The following PRIM2 variants were observed in gnomAD, a reference collection of about 807,000 sequenced individuals.
PRIM2 encodes the protein DNA primase large subunit.
Under a neutral mutation model 67.3 loss-of-function variants are expected in PRIM2, and 39 were observed. The ratio of observed to expected loss-of-function variants is 0.58; its 90% CI spans 0.45 to 0.76. The LOEUF (loss-of-function observed/expected upper bound fraction) is 0.76, where lower values mean the gene tolerates loss of function less well. Among genes scored for constraint, PRIM2 ranks in the 30% least tolerant of loss-of-function variants. The pLI is 0.00. For synonymous variants in PRIM2, 143 were observed against 198.7 expected, an observed-to-expected ratio of 0.72 and a Z score of 2.36; for missense variants, 398 against 598.7, an observed-to-expected ratio of 0.66 and a Z score of 3.50.
At chr6:57,482,228 G>C (rs1399809688) in intron 7 of PRIM2, among the ~76,000 whole-genome samples, 1 of 151,884 alleles carries the variant, frequency 6.6e-6, no homozygotes, top group Non-Finnish European at 1.5e-5. Context: ...TTTGAGTGCA[G>C]ATAGGTTGTT....
At chr6:57,295,778 G>A in the PRIM2 span, among the ~76,000 whole-genome samples, 20 of 152,240 alleles carry the variant, frequency 1.3e-4, no homozygotes, top group Non-Finnish European at 5.9e-5. Flanking sequence ...AAAATTGAAT[G>A]TGTCATCTTC....
chr6:57,325,371 C>T (rs1045496424), intron 4 of PRIM2, among the ~76,000 whole-genome samples: 1 of 145,834 alleles, frequency 6.9e-6, no homozygotes, highest in African/African-American at 2.6e-5. Flanking sequence ...GTGATCTCGG[C>T]TCACTGCAGC....
At chr6:57,252,479 C>T in the PRIM2 span, among the ~76,000 whole-genome samples, 14 of 152,084 alleles carry the variant, frequency 9.2e-5, no homozygotes, top group East Asian at 1.9e-4. Context: ...CTCGCTTTGT[C>T]GCCGAGGCTG....
intron 5 of PRIM2, among the ~76,000 whole-genome samples, chr6:57,335,855 C>T (rs894852891): frequency 6.6e-4 from 101 of 152,244 alleles, no homozygotes; most frequent in African/African-American, 2.2e-3. Flanking sequence ...CAAAGCTGGA[C>T]GGAGAATGAC....
At chr6:57,246,696 G>GA in the PRIM2 span, among the ~76,000 whole-genome samples, 3 of 152,130 alleles carry the variant, frequency 2.0e-5, no homozygotes, top group African/African-American at 7.2e-5. Flanking sequence ...CTCGAACAGG[G>GA]AGGGGCAGCC....
chr6:57,324,645 T>C (rs1562693490), intron 4 of PRIM2, among the ~76,000 whole-genome samples: 2 of 152,216 alleles, frequency 1.3e-5, no homozygotes, highest in Admixed American at 1.3e-4. Context: ...TTGAATTTGA[T>C]ACAGGTTTTT....
chr6:57,526,105 C>T (rs1239559553), intron 8 of PRIM2, among the ~76,000 whole-genome samples: 2 of 152,142 alleles, frequency 1.3e-5, no homozygotes, highest in South Asian at 2.1e-4. Flanking sequence ...GGTTCTGTTT[C>T]GGTAGTGAAG....
intron 10 of PRIM2, among the ~76,000 whole-genome samples, chr6:57,596,333 A>G (rs1443061746): frequency 2.0e-5 from 3 of 152,014 alleles, no homozygotes; most frequent in Non-Finnish European, 4.4e-5. Context: ...TAAATCTCAG[A>G]AGCATTAAAG....
intron 10 of PRIM2, among the ~76,000 whole-genome samples, chr6:57,546,168 A>G (rs1394591472): frequency 2.6e-5 from 4 of 152,188 alleles, no homozygotes; most frequent in African/African-American, 9.7e-5. Flanking sequence ...GTATGAGTAA[A>G]GTTTCCACTT....
chr6:57,552,832 CCCTT>C (rs1430535534), intron 10 of PRIM2, among the ~76,000 whole-genome samples: 2 of 151,922 alleles, frequency 1.3e-5, no homozygotes, highest in East Asian at 3.9e-4. Context: ...TCTTTTCTGC[CCCTT>C]CCTTTGGCAG....
intron 5 of PRIM2, among the ~76,000 whole-genome samples, chr6:57,343,676 C>G (rs1383717177): frequency 6.6e-6 from 1 of 152,086 alleles, no homozygotes; most frequent in East Asian, 1.9e-4. Flanking sequence ...GTAAAACACA[C>G]ACTCTCAAAC....
At chr6:57,612,461 A>G (rs1776684269) in intron 12 of PRIM2, among the ~76,000 whole-genome samples, 2 of 152,232 alleles carry the variant, frequency 1.3e-5, no homozygotes, top group African/African-American at 2.4e-5. Flanking sequence ...TCTCAAATAC[A>G]TTATACCAAG....
chr6:57,627,263 G>C (rs1450058900), intron 12 of PRIM2, among the ~76,000 whole-genome samples: 3 of 87,278 alleles, frequency 3.4e-5, no homozygotes, highest in Non-Finnish European at 6.0e-5. Flanking sequence ...CTGGGTGACA[G>C]AGTGAGACTC....
At chr6:57,536,111 AAAATCAG>A (rs1774996843) in intron 9 of PRIM2, among the ~76,000 whole-genome samples, 1 of 152,208 alleles carries the variant, frequency 6.6e-6, no homozygotes, top group Non-Finnish European at 1.5e-5. Context: ...GGGGATGGAA[AAAATCAG>A]AAGTTGTTAC....
chr6:57,266,014 G>GA, the PRIM2 span, among the ~76,000 whole-genome samples: 1 of 152,038 alleles, frequency 6.6e-6, no homozygotes, highest in East Asian at 1.9e-4. Context: ...AAAGGAGAAT[G>GA]AAAAAACAGC....
intron 11 of PRIM2, among the ~76,000 whole-genome samples, chr6:57,605,302 G>A (rs1434019174): frequency 6.6e-6 from 1 of 152,150 alleles, no homozygotes; most frequent in African/African-American, 2.4e-5. Flanking sequence ...GAGTTAATGG[G>A]GGGAGTCCCC....
rs149781195 is a variant in PRIM2 at position 57,319,071 on chromosome 6, A to G, written c.154+472A>G. ...GAAGAATGAGTAGAAATTTTCCAGC[A>G]GAGAAGAAGTGAAGAGTTTTTCCAA... On this transcript the variant is annotated intron_variant, in intron 2 of 13. Transcript: ENST00000615550. Among the ~76,000 whole-genome samples the G allele has an allele frequency of 5.3e-3, 803 of 152,354 alleles. 7 individuals are homozygous for G. The highest frequency in any genetic ancestry group is 7.9e-3 in the Non-Finnish European group (535 of 68,040).
intron 5 of PRIM2, among the ~76,000 whole-genome samples, chr6:57,341,103 G>T (rs2127293834): frequency 6.6e-6 from 1 of 152,324 alleles, no homozygotes; most frequent in Non-Finnish European, 1.5e-5. Flanking sequence ...AAGATTGGCT[G>T]AAGTGATGAT....
At chr6:57,401,915 T>G (rs1335354430) in intron 7 of PRIM2, among the ~76,000 whole-genome samples, 1 of 152,108 alleles carries the variant, frequency 6.6e-6, no homozygotes, top group African/African-American at 2.4e-5. Context: ...GCTCCTTCAT[T>G]AGTCTGAGGG....
Sources: allele counts gnomAD v4.1 joint callset (sites outside exome capture counted in the v4.1 genomes callset), GRCh38; gene constraint gnomAD v4.1.1; transcripts MANE v1.5; gene names NCBI Gene and HGNC (gene_info 2026-07-23, HGNC 2026-07-21).